Variants in CERT1 observed in about 807,000 individuals in gnomAD.
The protein encoded by CERT1 is ceramide transfer protein.
In CERT1, 31 loss-of-function variants were observed where a neutral mutation model predicts 87.9. The ratio of observed to expected loss-of-function variants is 0.35; its 90% CI spans 0.27 to 0.48. The LOEUF is 0.48. Among genes scored for constraint, CERT1 ranks in the 20% least tolerant of loss-of-function variants. CERT1 has a pLI of 0.99. For synonymous variants in CERT1, 289 were observed against 250.9 expected (o/e 1.15, Z -1.44); for missense variants, 487 against 758.0 (o/e 0.64, Z 4.20).
At chr5:75,511,630 A>G, upstream of CERT1, 1 of 1,480,800 alleles carries the variant, frequency 6.8e-7, no homozygotes, top group African/African-American at 1.4e-5. Flanking sequence ...CCCACTATTT[A>G]CCCTCCCCTC....
At chr5:75,463,345 ATT>A (rs1765319069) in intron 2 of CERT1, among the ~76,000 whole-genome samples, 1 of 152,144 alleles carries the variant, frequency 6.6e-6, no homozygotes, top group African/African-American at 2.4e-5. Context: ...GCCATAAACC[ATT>A]GTTTTATCTA....
At chr5:75,406,972 G>C (rs990119790) in intron 8 of CERT1, among the ~76,000 whole-genome samples, 2 of 152,038 alleles carry the variant, frequency 1.3e-5, no homozygotes, top group African/African-American at 4.8e-5. Flanking sequence ...ACCAAAAAGA[G>C]TCATAGTTTG....
At chr5:75,386,926 G>A (rs1761812628) in intron 12 of CERT1, among the ~76,000 whole-genome samples, 1 of 152,182 alleles carries the variant, frequency 6.6e-6, no homozygotes. Flanking sequence ...GGAGTGCAAT[G>A]GCGCCGTCTC....
chr5:75,439,012 C>T (rs1488805598), intron 3 of CERT1, among the ~76,000 whole-genome samples: 1 of 149,648 alleles, frequency 6.7e-6, no homozygotes, highest in African/African-American at 2.5e-5. Context: ...TAATATTTTT[C>T]GATGTGAAAG....
At chr5:75,504,047 T>C (rs1045962343) in intron 2 of CERT1, among the ~76,000 whole-genome samples, 1 of 151,824 alleles carries the variant, frequency 6.6e-6, no homozygotes. Context: ...ATAATAAAGA[T>C]AAAATTTAAT....
chr5:75,399,719 G>T (rs1258526024), intron 10 of CERT1, among the ~76,000 whole-genome samples: 2 of 147,626 alleles, frequency 1.4e-5, no homozygotes, highest in Non-Finnish European at 3.1e-5. Flanking sequence ...AAATAAAAAT[G>T]AAAGAACTTT....
At chr5:75,490,758 A>G (rs781581917) in intron 2 of CERT1, among the ~76,000 whole-genome samples, 1 of 152,186 alleles carries the variant, frequency 6.6e-6, no homozygotes, top group African/African-American at 2.4e-5. Context: ...TCGGCCTCCC[A>G]AAGTGCTGGG....
At chr5:75,394,997 G>T (rs979549189) in intron 11 of CERT1, among the ~76,000 whole-genome samples, 1 of 152,258 alleles carries the variant, frequency 6.6e-6, no homozygotes, top group South Asian at 2.1e-4. Flanking sequence ...AAATTAGCAT[G>T]TATCACTTGT....
chr5:75,453,110 C>A (rs1764828853), intron 3 of CERT1, among the ~76,000 whole-genome samples: 1 of 152,046 alleles, frequency 6.6e-6, no homozygotes, highest in Admixed American at 6.6e-5. Flanking sequence ...ACAGTCATTT[C>A]GTTAAAACTT....
At chr5:75,462,230 GAT>G in intron 2 of CERT1, among the ~76,000 whole-genome samples, 1 of 152,054 alleles carries the variant, frequency 6.6e-6, no homozygotes, top group South Asian at 2.1e-4. Context: ...ATAAATATAA[GAT>G]ATGATCTAAG....
At chr5:75,498,931 G>T (rs752592371) in intron 2 of CERT1, among the ~76,000 whole-genome samples, 3 of 152,220 alleles carry the variant, frequency 2.0e-5, no homozygotes, top group Admixed American at 6.5e-5. Context: ...CAGCCAGGAG[G>T]GGGGCTTGTA....
intron 3 of CERT1, among the ~76,000 whole-genome samples, chr5:75,428,494 C>A (rs11743634): frequency 6.6e-6 from 1 of 152,006 alleles, no homozygotes; most frequent in African/African-American, 2.4e-5. Flanking sequence ...CTGGCTAACA[C>A]GGTGAAACCC....
At chr5:75,430,501 A>T (rs1356241283) in intron 3 of CERT1, among the ~76,000 whole-genome samples, 1 of 152,210 alleles carries the variant, frequency 6.6e-6, no homozygotes, top group Non-Finnish European at 1.5e-5. Flanking sequence ...CTAATCTATG[A>T]CAAACAAGAG....
intron 3 of CERT1, among the ~76,000 whole-genome samples, chr5:75,446,816 T>C (rs1580783230): frequency 6.6e-6 from 1 of 152,210 alleles, no homozygotes; most frequent in African/African-American, 2.4e-5. Flanking sequence ...TGCAGTTGTT[T>C]ATGAATGTCC....
chr5:75,430,060 A>G (rs946093966), intron 3 of CERT1, among the ~76,000 whole-genome samples: 2 of 152,108 alleles, frequency 1.3e-5, no homozygotes, highest in Admixed American at 6.5e-5. Context: ...GAGAGGAGGA[A>G]AGGAATCTGT....
chr5:75,420,474 G>A (rs1453465236), intron 5 of CERT1, among the ~76,000 whole-genome samples: 1 of 151,652 alleles, frequency 6.6e-6, no homozygotes, highest in African/African-American at 2.4e-5. Context: ...CTCCCGAGTA[G>A]CTGGGACTAC....
At position 75,379,272 on chromosome 5, in the gene CERT1, T is replaced by G; in HGVS notation, c.*74A>C. On this transcript the variant is annotated 3_prime_UTR_variant, in exon 17 of 17. Transcript: ENST00000643780. Reference sequence around the variant, plus strand: ...ATAGTAAATACTTTCAACAACTAAATTTTAGTATTGACAGTCATATTAGTC... The same window carrying G: ...ATAGTAAATACTTTCAACAACTAAAGTTTAGTATTGACAGTCATATTAGTC... 1.5e-6 allele frequency: 2 copies of G among 1,297,570 alleles called. No homozygotes were observed. Among genetic ancestry groups the G allele is most frequent in the South Asian group, 2.7e-5 (2 of 73,724 alleles). 80.4% of individuals were successfully genotyped at this position (1,297,570 alleles called of 1,614,324 possible).
At chr5:75,399,506 A>G in intron 10 of CERT1, 119 bp from the exon 11 acceptor site, 1 of 726,582 alleles carries the variant, frequency 1.4e-6, no homozygotes, top group Non-Finnish European at 2.5e-6. Context: ...ATATGAAACA[A>G]GCACAGCAGC....
At chr5:75,409,755 T>C (rs913437510) in intron 8 of CERT1, among the ~76,000 whole-genome samples, 4 of 151,722 alleles carry the variant, frequency 2.6e-5, no homozygotes, top group African/African-American at 7.3e-5. Flanking sequence ...TCTCGAGCTC[T>C]TGACCTTGTG....
Sources: gnomAD v4.1 joint callset for allele counts (sites outside exome capture counted in the v4.1 genomes callset) on GRCh38, gnomAD v4.1.1 for gene constraint, MANE v1.5 for transcripts, NCBI Gene and HGNC (gene_info 2026-07-23, HGNC 2026-07-21) for gene names.